The following PNPLA3 variants were observed in gnomAD, a reference collection of about 807,000 sequenced individuals.
PNPLA3 encodes the protein 1-acylglycerol-3-phosphate O-acyltransferase PNPLA3.
Under a neutral mutation model 43.1 loss-of-function variants are expected in PNPLA3, and 42 were observed. The observed-to-expected ratio is 0.97, with a 90% CI of 0.76 to 1.26. The LOEUF (loss-of-function observed/expected upper bound fraction) is 1.26, where lower values mean the gene tolerates loss of function less well. Among genes scored for constraint, PNPLA3 ranks in the 50% most tolerant of loss-of-function variants. The pLI is 0.00. For missense variants in PNPLA3, 647 were observed against 621.4 expected, an observed-to-expected ratio of 1.04 and a Z score of -0.44; for synonymous variants, 272 against 253.6, an observed-to-expected ratio of 1.07 and a Z score of -0.69.
Position 43,947,439 on chromosome 22 carries a change from G to A in PNPLA3, c.*1057G>A. ...GCCCCCCAGGCAGGAGCCAAGCACAGCAGGAGCTTCCGCCTCCTCTCCACT... is the reference window on the plus strand; with the variant it reads ...GCCCCCCAGGCAGGAGCCAAGCACAACAGGAGCTTCCGCCTCCTCTCCACT... On this transcript the variant is annotated 3_prime_UTR_variant, in exon 9 of 9. Coordinates refer to ENST00000216180, the MANE Select transcript of PNPLA3 (RefSeq NM_025225.3). The A allele has an allele frequency of 6.4e-6, 1 of 157,158 alleles. No homozygotes were observed. The allele number at this position is 157,158 out of a possible 1,614,324, so 9.7% of individuals were successfully genotyped here. A position where few individuals can be genotyped will look rare whatever the true frequency, so the allele number is the denominator to read the frequency against.
At chr22:43,927,472 A>G (rs948222432) in intron 2 of PNPLA3, among the ~76,000 whole-genome samples, 2 of 147,076 alleles carry the variant, frequency 1.4e-5, no homozygotes, top group Non-Finnish European at 3.0e-5. Flanking sequence ...AGCCCGGGTG[A>G]CAGTGAGATG....
In PNPLA3 at chr22:43,944,731, T is replaced by A. The variant is rs1327946264; in HGVS notation, c.1153T>A (p.Trp385Arg). The A allele has an allele frequency of 6.2e-7, 1 of 1,614,090 alleles. No individual in the cohort carries two copies. The highest frequency in any genetic ancestry group is 8.5e-7 in the Non-Finnish European group (1 of 1,179,988). The change falls in exon 8 of 9, where the codon TGG becomes AGG. Residue 385 changes from tryptophan to arginine, a missense_variant. By Grantham distance (101) the Trp-to-Arg change is moderately radical. Transcript: ENST00000216180. ...WLPDMPDDVLWLQWVTSQVFT... is the reference protein window; with the variant it reads ...WLPDMPDDVLRLQWVTSQVFT... ...TCCAGATATGCCCGACGATGTCCTG[T>A]GGTTGCAGTGGGTGACCTCACAGGT...
intron 3 of PNPLA3, among the ~76,000 whole-genome samples, chr22:43,930,969 C>T (rs748441384): frequency 2.0e-5 from 3 of 151,946 alleles, no homozygotes; most frequent in Non-Finnish European, 4.4e-5. Context: ...ACTAAACATA[C>T]GAAAAAAATT....
chr22:43,945,705 C>T (rs1169603054), intron 8 of PNPLA3, among the ~76,000 whole-genome samples: 1 of 152,086 alleles, frequency 6.6e-6, no homozygotes, highest in Non-Finnish European at 1.5e-5. Context: ...AGGGGGGCTG[C>T]CAGGGCCCAG....
intron 8 of PNPLA3, among the ~76,000 whole-genome samples, 169 bp downstream of exon 8, chr22:43,944,964 A>C (rs2050053626): frequency 6.6e-6 from 1 of 152,188 alleles, no homozygotes; most frequent in South Asian, 2.1e-4. Flanking sequence ...AGGTCCTGGC[A>C]CACCTGCTGA....
At chr22:43,928,426 C>T (rs2049939122) in intron 2 of PNPLA3, among the ~76,000 whole-genome samples, 1 of 152,148 alleles carries the variant, frequency 6.6e-6, no homozygotes, top group Non-Finnish European at 1.5e-5. Flanking sequence ...CATGGGAATT[C>T]TGGGGAGGGA....
At chr22:43,924,880 C>T (rs1239889033) in intron 1 of PNPLA3, among the ~76,000 whole-genome samples, 1 of 152,064 alleles carries the variant, frequency 6.6e-6, no homozygotes, top group East Asian at 1.9e-4. Context: ...GATCTCCTGA[C>T]CTCGTGATCT....
chr22:43,933,759 G>A (rs1441006392), intron 4 of PNPLA3, among the ~76,000 whole-genome samples: 1 of 152,202 alleles, frequency 6.6e-6, no homozygotes, highest in African/African-American at 2.4e-5. Flanking sequence ...GTTTTAGTAT[G>A]CCTTACCACT....
At chr22:43,930,067 G>T (rs1246431455) in intron 3 of PNPLA3, among the ~76,000 whole-genome samples, 1 of 152,172 alleles carries the variant, frequency 6.6e-6, no homozygotes, top group African/African-American at 2.4e-5. Flanking sequence ...CGGAACCTTT[G>T]ATGCAATCCT....
intron 1 of PNPLA3, among the ~76,000 whole-genome samples, chr22:43,925,896 GA>G (rs1271119153): frequency 2.6e-5 from 4 of 152,222 alleles, no homozygotes; most frequent in Non-Finnish European, 5.9e-5. Flanking sequence ...CTCTGGTATA[GA>G]AAGGATTCCT....
chr22:43,931,858 T>C (rs1030473430), intron 3 of PNPLA3, among the ~76,000 whole-genome samples: 5 of 152,138 alleles, frequency 3.3e-5, no homozygotes, highest in Admixed American at 2.0e-4. Context: ...GCCCTAGAAA[T>C]TGTGTGACTA....
chr22:43,929,296 T>C (rs2049946200), intron 3 of PNPLA3, among the ~76,000 whole-genome samples: 1 of 151,846 alleles, frequency 6.6e-6, no homozygotes, highest in African/African-American at 2.4e-5. Flanking sequence ...GCCAACAGTG[T>C]GAAACTCTGT....
chr22:43,940,031 A>T lies in PNPLA3; in HGVS notation c.1018A>T (p.Ser340Cys). The T allele has an allele frequency of 6.2e-7, 1 of 1,614,138 alleles. No individual in the cohort carries two copies. Among genetic ancestry groups the T allele is most frequent in the Non-Finnish European group, 8.5e-7 (1 of 1,179,994 alleles). The change falls in exon 7 of 9, where the codon AGC becomes TGC. Residue 340 changes from serine (S) to cysteine (C), a missense_variant. By Grantham distance (112) the Ser-to-Cys change is moderately radical. Coordinates refer to ENST00000216180, the MANE Select transcript of PNPLA3 (RefSeq NM_025225.3). Reference sequence around the variant, plus strand: ...AATGAAAGACAAAGGTGGATACATGAGCAAGATTTGCAACTTGCTACCCAT... The same window carrying T: ...AATGAAAGACAAAGGTGGATACATGTGCAAGATTTGCAACTTGCTACCCAT... The part of the protein sequence containing the change: ...EEMKDKGGYM[S>C]KICNLLPIRI...
intron 8 of PNPLA3, among the ~76,000 whole-genome samples, chr22:43,945,751 G>T (rs2050058934): frequency 6.6e-6 from 1 of 152,186 alleles, no homozygotes; most frequent in African/African-American, 2.4e-5. Flanking sequence ...GCTTCCTAAG[G>T]CTCTTGGACA....
chr22:43,936,970 C>T (rs2049999290), intron 5 of PNPLA3, 81 bp from the exon 6 acceptor site: 1 of 1,164,420 alleles, frequency 8.6e-7, no homozygotes, highest in Non-Finnish European at 1.2e-6. Flanking sequence ...CTGCCTGCCT[C>T]CCTGCAGTTT....
Position 43,923,821 on chromosome 22 carries a change from C to G in PNPLA3, c.-91C>G. On this transcript the variant is annotated 5_prime_UTR_variant, in exon 1 of 9. Transcript: ENST00000216180. ...AGGCAGGGTAGAGAGCGCTTGCGGG[C>G]GCCGGGCGGAGCTGCTGCGGATCAG... is the stretch of plus-strand genomic sequence containing the variant. 1.6e-6 allele frequency: 2 copies of G among 1,285,730 alleles called. No individual in the cohort carries two copies. The allele number at this position is 1,285,730 out of a possible 1,614,324, so 79.6% of individuals were successfully genotyped here. A position where few individuals can be genotyped will look rare whatever the true frequency, so the allele number is the denominator to read the frequency against.
At chr22:43,931,767 C>T (rs562615909) in intron 3 of PNPLA3, among the ~76,000 whole-genome samples, 1 of 152,240 alleles carries the variant, frequency 6.6e-6, no homozygotes, top group African/African-American at 2.4e-5. Context: ...CCATGTGCCT[C>T]AGCCTTCCAA....
intron 7 of PNPLA3, among the ~76,000 whole-genome samples, chr22:43,942,322 T>C (rs778618454): frequency 3.3e-5 from 5 of 152,234 alleles, no homozygotes; most frequent in Non-Finnish European, 7.3e-5. Flanking sequence ...GCAGAGTCTC[T>C]AGTAAACTCC....
chr22:43,940,261 T>C (rs943034220), intron 7 of PNPLA3, 136 bp downstream of exon 7: 2 of 1,073,062 alleles, frequency 1.9e-6, no homozygotes, highest in Non-Finnish European at 2.7e-6. Flanking sequence ...CTATGTGCAA[T>C]GCCCCTGAAT....
Sources: allele counts gnomAD v4.1 joint callset (sites outside exome capture counted in the v4.1 genomes callset), GRCh38; gene constraint gnomAD v4.1.1; transcripts MANE v1.5; gene names NCBI Gene and HGNC (gene_info 2026-07-23, HGNC 2026-07-21).